The following XIRP2 variants were observed in gnomAD, a reference collection of about 807,000 sequenced individuals.
XIRP2 encodes the protein xin actin binding repeat containing 2.
XIRP2 carries 236 observed loss-of-function variants against 277.0 expected under a neutral mutation model. The ratio of observed to expected loss-of-function variants is 0.85; its 90% CI spans 0.77 to 0.95. The LOEUF is 0.95. Among genes scored for constraint, XIRP2 ranks in the 40% least tolerant of loss-of-function variants. The pLI is 0.00. For synonymous variants in XIRP2, 1,490 were observed against 1,416.5 expected (o/e 1.05, Z -1.17); for missense variants, 4,640 against 4,157.5 (o/e 1.12, Z -3.19).
rs761991705 is a variant in XIRP2, at chr2:167,244,759, G to A, written c.3367G>A (p.Asp1123Asn). Residue 1123 changes from aspartate to asparagine, a missense_variant, in exon 9 of 11, where the codon GAT becomes AAT. Physicochemically the swap from Asp to Asn is conservative, Grantham distance 23 (BLOSUM62 1). Transcript: ENST00000409195. Reference sequence around the variant, plus strand: ...CAGCAGTGAAGAAATTCATAAGGGAGATGTCAAAACTTGTACTTGGCTCTT... The same window carrying A: ...CAGCAGTGAAGAAATTCATAAGGGAAATGTCAAAACTTGTACTTGGCTCTT... The part of the protein sequence containing the change: ...MTSSEEIHKG[D>N]VKTCTWLFET... 14 of 1,613,378 alleles carry A rather than the reference G, an allele frequency of 8.7e-6. No individual in the cohort carries two copies. In the East Asian group the frequency reaches 1.1e-4, roughly 13 times the overall value.
chr2:167,247,359 G>C lies in XIRP2; in HGVS notation c.5967G>C (p.Lys1989Asn), dbSNP rs1359054198. The C allele has an allele frequency of 1.3e-5, 21 of 1,613,796 alleles. No homozygotes were observed. Among genetic ancestry groups the C allele is most frequent in the Non-Finnish European group, 1.7e-5 (20 of 1,179,810 alleles). Residue 1989 changes from lysine to asparagine, a missense_variant, in exon 9 of 11, where the codon AAG (lysine) becomes AAC (asparagine). Physicochemically the swap from Lys to Asn is moderately conservative, Grantham distance 94. Transcript: ENST00000409195. Reference protein sequence around the residue: ...PKPGPFEPAAKWQGGADTLSQ... With the variant: ...PKPGPFEPAANWQGGADTLSQ... The stretch of plus-strand genomic sequence containing the variant: ...CAGGTCCATTTGAGCCAGCGGCCAA[G>C]TGGCAAGGGGGAGCAGATACTCTCA...
intron 2 of XIRP2, among the ~76,000 whole-genome samples, chr2:166,934,060 C>T (rs1685422358): frequency 6.6e-6 from 1 of 151,850 alleles, no homozygotes; most frequent in African/African-American, 2.4e-5. Context: ...TATTTCCTAC[C>T]TTCTAGTATT....
At position 167,243,966 on chromosome 2, in the gene XIRP2, T is replaced by A; in HGVS notation, c.2574T>A (p.Asp858Glu). 6.2e-7 allele frequency: 1 copy of A among 1,614,058 alleles called. No individual in the cohort carries two copies. The highest frequency in any genetic ancestry group is 1.3e-5 in the African/African-American group (1 of 75,042). ...TAGACATTCTAAAAGAAGTTCCTGATGCAGATTCTCTACAACGTGAGGAGA... is the reference window on the plus strand; with the variant it reads ...TAGACATTCTAAAAGAAGTTCCTGAAGCAGATTCTCTACAACGTGAGGAGA... ...QPLDILKEVP[D>E]ADSLQREEII... Residue 858 changes from aspartate to glutamate, a missense_variant, in exon 9 of 11, where the codon GAT becomes GAA. Physicochemically the swap from Asp to Glu is conservative, Grantham distance 45. Transcript: ENST00000409195.
chr2:166,940,458 T>C (rs944275090), intron 2 of XIRP2, among the ~76,000 whole-genome samples: 2 of 152,236 alleles, frequency 1.3e-5, no homozygotes, highest in Non-Finnish European at 2.9e-5. Flanking sequence ...TCAAAGTCAT[T>C]CTCCATCCAG....
rs1040273620 is a variant in XIRP2 at position 167,246,373 on chromosome 2, CA to C, written c.4983del (p.Ala1662GlnfsTer2). The stretch of plus-strand genomic sequence containing the variant: ...AGAGATAGTGAAAGGTGATGTACAA[CA>C]AGCAATAAAAAACCTGTTCTCTGAG... Reference protein sequence around the residue: ...KEEIVKGDVQQAIKNLFSEER... With the variant: ...KEEIVKGDVQXAIKNLFSEER... On this transcript the variant is annotated frameshift_variant, in exon 9 of 11. Coordinates refer to ENST00000409195, the MANE Select transcript of XIRP2 (RefSeq NM_152381.6). LOFTEE classifies it high-confidence loss of function. The C allele has an allele frequency of 8.1e-6, 13 of 1,612,958 alleles. No individual in the cohort carries two copies. The highest frequency in any genetic ancestry group is 2.5e-6 in the Non-Finnish European group (3 of 1,179,614).
At chr2:167,226,662 A>G (rs772116495) in intron 5 of XIRP2, among the ~76,000 whole-genome samples, 1 of 151,924 alleles carries the variant, frequency 6.6e-6, no homozygotes, top group Non-Finnish European at 1.5e-5. Flanking sequence ...ATCTCTCTAA[A>G]ATGCACCCCA....
intron 2 of XIRP2, among the ~76,000 whole-genome samples, chr2:167,039,849 T>G (rs958954687): frequency 1.3e-5 from 2 of 152,194 alleles, no homozygotes; most frequent in Non-Finnish European, 2.9e-5. Flanking sequence ...TTGAGAAGAT[T>G]TATAACTTTT....
At chr2:167,240,551 A>G (rs1444073567) in intron 6 of XIRP2, 113 bp from the exon 7 acceptor site, 5 of 842,794 alleles carry the variant, frequency 5.9e-6, no homozygotes, top group East Asian at 5.2e-5. Flanking sequence ...GCATCTCTCA[A>G]TGTACACTAA....
At chr2:167,019,099 C>T (rs1687914143) in intron 2 of XIRP2, among the ~76,000 whole-genome samples, 1 of 151,880 alleles carries the variant, frequency 6.6e-6, no homozygotes, top group Admixed American at 6.6e-5. Flanking sequence ...ATCTGTACAA[C>T]ACAGAGATGA....
chr2:166,943,666 G>C (rs576632980), intron 2 of XIRP2, among the ~76,000 whole-genome samples: 2 of 152,316 alleles, frequency 1.3e-5, no homozygotes, highest in African/African-American at 4.8e-5. Context: ...ACTGGCCAGT[G>C]GTGGGCATAT....
chr2:167,010,006 T>G (rs1274455363), intron 2 of XIRP2, among the ~76,000 whole-genome samples: 26 of 152,164 alleles, frequency 1.7e-4, no homozygotes, highest in East Asian at 5.8e-4. Flanking sequence ...TTTCTCCCAT[T>G]TTGTAGGTTG....
intron 2 of XIRP2, among the ~76,000 whole-genome samples, chr2:166,997,441 A>C (rs1196785474): frequency 6.6e-6 from 1 of 152,222 alleles, no homozygotes; most frequent in Non-Finnish European, 1.5e-5. Context: ...GTTGCTAAGA[A>C]AATCTGATTC....
rs1258998129 is a variant in XIRP2, at chr2:167,258,419, G to C, written c.*602G>C. ...AGGAATCAAAGAAATGAAAATGCCT[G>C]AAGGAAGAAAAGATGAAAAGAAGGA... On this transcript the variant is annotated 3_prime_UTR_variant, in exon 11 of 11. Coordinates refer to ENST00000409195, the MANE Select transcript of XIRP2 (RefSeq NM_152381.6). 1 of 1,613,182 alleles carries C rather than the reference G, an allele frequency of 6.2e-7. No homozygotes were observed. Among genetic ancestry groups the C allele is most frequent in the Non-Finnish European group, 8.5e-7 (1 of 1,179,666 alleles).
At chr2:167,035,000 CT>C (rs1307181786) in intron 2 of XIRP2, among the ~76,000 whole-genome samples, 7 of 152,156 alleles carry the variant, frequency 4.6e-5, no homozygotes, top group African/African-American at 1.7e-4. Flanking sequence ...GGGGTTTCCG[CT>C]TTTGCTTCTT....
chr2:166,977,748 C>T (rs929988203), intron 2 of XIRP2, among the ~76,000 whole-genome samples: 38 of 152,082 alleles, frequency 2.5e-4, no homozygotes, highest in Admixed American at 1.2e-3. Flanking sequence ...GTAAACCTTG[C>T]TGTTTTTCCA....
In XIRP2 at chr2:167,248,056, G is replaced by A. The variant is rs1316967976; in HGVS notation, c.6664G>A (p.Val2222Ile). The A allele has an allele frequency of 1.9e-6, 3 of 1,613,554 alleles. No individual in the cohort carries two copies. Among genetic ancestry groups the A allele is most frequent in the Non-Finnish European group, 2.5e-6 (3 of 1,179,738 alleles). The change falls in exon 9 of 11, where the codon GTA becomes ATA. Residue 2222 changes from valine (V) to isoleucine (I), a missense_variant. Val to Ile is a conservative substitution (Grantham distance 29). Transcript: ENST00000409195. ...GCCTGTAGAGCAAGACACATCCAAT[G>A]TAACAGAAATGAAAGTCTCTGAAAA... The part of the protein sequence containing the change: ...LLPVEQDTSN[V>I]TEMKVSEKSH...
At chr2:167,211,036 C>A in intron 4 of XIRP2, 141 bp downstream of exon 4, 2 of 1,028,208 alleles carry the variant, frequency 1.9e-6, no homozygotes, top group Non-Finnish European at 2.7e-6. Flanking sequence ...GAAATAAATC[C>A]AGACTATCTG....
At chr2:166,891,835 G>T (rs1684113469) in intron 1 of XIRP2, among the ~76,000 whole-genome samples, 1 of 152,090 alleles carries the variant, frequency 6.6e-6, no homozygotes, top group Non-Finnish European at 1.5e-5. Flanking sequence ...TCTTACCCTT[G>T]TCAGAAGGTG....
chr2:167,109,116 G>A (rs1205299731), intron 2 of XIRP2, among the ~76,000 whole-genome samples: 1 of 151,992 alleles, frequency 6.6e-6, no homozygotes, highest in Non-Finnish European at 1.5e-5. Context: ...GTGAGAACAT[G>A]CAGTATTTGG....
Sources: gnomAD v4.1 joint callset for allele counts (sites outside exome capture counted in the v4.1 genomes callset) on GRCh38, gnomAD v4.1.1 for gene constraint, MANE v1.5 for transcripts, NCBI Gene and HGNC (gene_info 2026-07-23, HGNC 2026-07-21) for gene names.